The following NHERF2 variants were observed in gnomAD, a reference collection of about 807,000 sequenced individuals.
NHERF2 encodes NHERF family PDZ scaffold protein 2.
At chr16:2,029,767 C>T in the NHERF2 span, 26 of 1,552,742 alleles carry the variant, frequency 1.7e-5, no homozygotes, top group South Asian at 8.3e-5. Context: ...GCCACAGCTC[C>T]GAAGCTGGCA....
the NHERF2 span, chr16:2,036,296 A>T: frequency 4.4e-6 from 7 of 1,580,270 alleles, no homozygotes; most frequent in African/African-American, 8.1e-5. Context: ...CTGGAGCAAG[A>T]GACTGACCCT....
At chr16:2,031,738 GTTTCTT>G in the NHERF2 span, among the ~76,000 whole-genome samples, 1 of 152,102 alleles carries the variant, frequency 6.6e-6, no homozygotes, top group African/African-American at 2.4e-5. Flanking sequence ...AAGACCTGAG[GTTTCTT>G]TTTCTTTTTC....
the NHERF2 span, chr16:2,033,139 T>A: frequency 7.1e-7 from 1 of 1,412,852 alleles, no homozygotes; most frequent in East Asian, 2.6e-5. Flanking sequence ...GAAGCCTAGC[T>A]GGGTGGGGGG....
the NHERF2 span, chr16:2,038,771 C>G: frequency 5.9e-6 from 1 of 170,222 alleles, no homozygotes; most frequent in Non-Finnish European, 1.2e-5. Flanking sequence ...AGGAGGGCGG[C>G]CTCTGGACAG....
At chr16:2,037,548 G>A in the NHERF2 span, 2 of 1,611,530 alleles carry the variant, frequency 1.2e-6, no homozygotes, top group Non-Finnish European at 1.7e-6. Flanking sequence ...CTCAATGGTG[G>A]CTCTGCGTGC....
chr16:2,036,697 T>C, the NHERF2 span: 3 of 1,606,128 alleles, frequency 1.9e-6, no homozygotes, highest in Non-Finnish European at 1.7e-6. Flanking sequence ...TCTGGGCCCA[T>C]GGCGGGGCTG....
chr16:2,036,288 G>C, the NHERF2 span: 2 of 1,564,254 alleles, frequency 1.3e-6, no homozygotes, highest in Non-Finnish European at 1.7e-6. Flanking sequence ...GCGGGAGGCT[G>C]GAGCAAGAGA....
chr16:2,029,412 G>A, the NHERF2 span: 2 of 618,666 alleles, frequency 3.2e-6, no homozygotes, highest in Non-Finnish European at 5.7e-6. Context: ...GGAGGGAGCC[G>A]CTGGAGTCCG....
At chr16:2,036,220 G>T in the NHERF2 span, 5 of 1,213,232 alleles carry the variant, frequency 4.1e-6, no homozygotes, top group South Asian at 3.0e-5. Flanking sequence ...GCCTGCCCGT[G>T]GGGGGCACGG....
At chr16:2,036,437 C>T in the NHERF2 span, 1 of 1,606,008 alleles carries the variant, frequency 6.2e-7, no homozygotes, top group Middle Eastern at 1.7e-4. Flanking sequence ...GCCAGTACAT[C>T]CGCTCTGTGG....
chr16:2,027,541 G>A, the NHERF2 span, among the ~76,000 whole-genome samples: 4 of 152,268 alleles, frequency 2.6e-5, no homozygotes. Flanking sequence ...GAAGACCTGG[G>A]TGCTTTTGCC....
chr16:2,027,089 G>A, the NHERF2 span: 1 of 1,458,964 alleles, frequency 6.9e-7, no homozygotes, highest in Non-Finnish European at 9.0e-7. Context: ...TGCACGGCGA[G>A]AAGGGCCGCC....
the NHERF2 span, chr16:2,038,239 GACAC>G: frequency 7.1e-6 from 4 of 560,172 alleles, no homozygotes; most frequent in South Asian, 2.0e-5. Flanking sequence ...GAGAGAGAGA[GACAC>G]AGAGAGAGAC....
At chr16:2,037,450 CTG>C in the NHERF2 span, 2 of 1,232,744 alleles carry the variant, frequency 1.6e-6, no homozygotes, top group East Asian at 2.5e-5. Context: ...GGAGCACACA[CTG>C]GGGGGGGGTG....
chr16:2,033,762 G>A, the NHERF2 span, among the ~76,000 whole-genome samples: 1 of 152,168 alleles, frequency 6.6e-6, no homozygotes, highest in Non-Finnish European at 1.5e-5. Context: ...AGCCAGGGCA[G>A]GGAGGAGGAA....
chr16:2,036,729 T>C, the NHERF2 span: 5 of 1,609,454 alleles, frequency 3.1e-6, no homozygotes, highest in African/African-American at 2.7e-5. Context: ...TGGCGGCAGG[T>C]GAACGGGCAG....
the NHERF2 span, chr16:2,032,920 G>A: frequency 1.7e-5 from 18 of 1,075,194 alleles, no homozygotes; most frequent in Admixed American, 8.0e-4. The surrounding 1 kb of genome is among the most constrained non-coding windows in gnomAD (Gnocchi z 4.0). Flanking sequence ...AAGAGCAGGT[G>A]TGAGGGGTGA....
the NHERF2 span, chr16:2,038,793 C>T: frequency 3.4e-4 from 55 of 163,444 alleles, no homozygotes; most frequent in African/African-American, 7.4e-4. Context: ...CCCCTCATTC[C>T]GCGCGGCAGC....
At chr16:2,033,068 C>T in the NHERF2 span, 1 of 985,314 alleles carries the variant, frequency 1.0e-6, no homozygotes. Context: ...GTCCCCTCAG[C>T]CCTGGGTCCT....
Sources: gnomAD v4.1 joint callset for allele counts (sites outside exome capture counted in the v4.1 genomes callset) on GRCh38, gnomAD v4.1.1 for gene constraint, Gnocchi (gnomAD v3.1) non-coding constraint, MANE v1.5 for transcripts, NCBI Gene and HGNC (gene_info 2026-07-23, HGNC 2026-07-21) for gene names.